The following ALMS1 variants were observed in gnomAD, a reference collection of about 807,000 sequenced individuals.
ALMS1 encodes centrosome-associated protein ALMS1.
A neutral mutation model predicts 352.2 loss-of-function variants in ALMS1; 271 were observed. That is an observed-to-expected ratio of 0.77 (90% CI 0.70 to 0.85). The LOEUF is 0.85. Ranked by LOEUF, ALMS1 falls within the 40% of genes least tolerant of loss-of-function variation. The probability of loss-of-function intolerance (pLI) is 0.00; values close to 1 mark genes in which losing one functional copy is unlikely to be tolerated. For missense variants in ALMS1, 5,445 were observed against 4,870.7 expected (o/e 1.12, Z -3.51); for synonymous variants, 1,865 against 1,761.2 (o/e 1.06, Z -1.48).
Position 73,451,880 on chromosome 2 carries a change from G to A in ALMS1, c.5353G>A (p.Val1785Ile), listed in dbSNP as rs1474708094. The A allele has an allele frequency of 6.2e-7, 1 of 1,613,690 alleles. No individual in the cohort carries two copies. The highest frequency in any genetic ancestry group is 8.5e-7 in the Non-Finnish European group (1 of 1,179,770). Reference protein sequence around the residue: ...DSHLTEEALKVSNVPGPADQK... With the variant: ...DSHLTEEALKISNVPGPADQK... The stretch of plus-strand genomic sequence containing the variant: ...TCATCTAACTGAAGAGGCTCTGAAA[G>A]TTTCAAATGTTCCTGGACCAGCTGA... The change falls in exon 8 of 23, where the codon GTT becomes ATT. Residue 1785 changes from valine (V) to isoleucine (I), a missense_variant. By Grantham distance (29) the Val-to-Ile change is conservative. Coordinates refer to ENST00000613296, the MANE Select transcript of ALMS1 (RefSeq NM_001378454.1).
chr2:73,522,210 T>C (rs989718968), intron 11 of ALMS1, among the ~76,000 whole-genome samples: 3 of 152,232 alleles, frequency 2.0e-5, no homozygotes, highest in African/African-American at 7.2e-5. Flanking sequence ...TCATTTCTGC[T>C]CTGGGTCCAT....
chr2:73,473,329 C>T (rs187695143), intron 9 of ALMS1, among the ~76,000 whole-genome samples: 125 of 152,012 alleles, frequency 8.2e-4, no homozygotes, highest in African/African-American at 3.0e-3. Context: ...TAGTAGTTGA[C>T]CCTGAAGCTA....
At chr2:73,415,519 TG>T (rs1038879771) in intron 2 of ALMS1, among the ~76,000 whole-genome samples, 2 of 148,818 alleles carry the variant, frequency 1.3e-5, no homozygotes, top group African/African-American at 5.0e-5. Flanking sequence ...GTAGATCTGG[TG>T]GTTGAAGACA....
At chr2:73,435,522 C>T (rs6740441) in intron 7 of ALMS1, among the ~76,000 whole-genome samples, 2,512 of 142,976 alleles carry the variant, frequency 0.018, 68 homozygotes, top group African/African-American at 0.058. Flanking sequence ...ACTTTACTCC[C>T]GTATAGCTCT....
intron 2 of ALMS1, 127 bp from the exon 3 acceptor site, chr2:73,418,996 A>G (rs539352827): frequency 4.6e-5 from 37 of 800,004 alleles, no homozygotes; most frequent in South Asian, 6.5e-5. Flanking sequence ...TACATTTTCT[A>G]TACTTTGATG....
chr2:73,496,728 C>T (rs1259265728), intron 10 of ALMS1, among the ~76,000 whole-genome samples: 2 of 152,168 alleles, frequency 1.3e-5, no homozygotes, highest in Non-Finnish European at 2.9e-5. Flanking sequence ...AGTTACTCCA[C>T]ATCCTCACCG....
chr2:73,599,932 TG>T (rs1406893903), intron 17 of ALMS1, among the ~76,000 whole-genome samples: 3 of 152,340 alleles, frequency 2.0e-5, no homozygotes, highest in African/African-American at 7.2e-5. Flanking sequence ...GAGATTAAAG[TG>T]AATTTAGGTG....
intron 12 of ALMS1, among the ~76,000 whole-genome samples, chr2:73,549,180 T>G (rs1674379273): frequency 6.6e-6 from 1 of 152,216 alleles, no homozygotes; most frequent in African/African-American, 2.4e-5. Flanking sequence ...CCAGAAATGT[T>G]CTTTTGCCTG....
At chr2:73,585,830 G>A (rs1675299823) in intron 16 of ALMS1, among the ~76,000 whole-genome samples, 1 of 150,672 alleles carries the variant, frequency 6.6e-6, no homozygotes, top group Non-Finnish European at 1.5e-5. Flanking sequence ...CCGGGTTCAA[G>A]CAGTTCTTCT....
In ALMS1 at chr2:73,609,670, A is replaced by G. The variant is rs1052928124; in HGVS notation, c.*58A>G. The G allele has an allele frequency of 1.0e-5, 16 of 1,529,936 alleles. No individual in the cohort carries two copies. Among genetic ancestry groups the G allele is most frequent in the African/African-American group, 2.7e-5 (2 of 73,184 alleles). 94.8% of individuals were successfully genotyped at this position (1,529,936 alleles called of 1,614,324 possible). ...CTATTTTATGAACCTAGAGAAGCAG[A>G]ATCCTTACTTTTGTGAGTCTGGTTG... On this transcript the variant is annotated 3_prime_UTR_variant, in exon 23 of 23. Coordinates refer to ENST00000613296, the MANE Select transcript of ALMS1 (RefSeq NM_001378454.1).
chr2:73,592,504 C>A (rs1354460970), intron 16 of ALMS1, among the ~76,000 whole-genome samples: 1 of 152,162 alleles, frequency 6.6e-6, no homozygotes, highest in Non-Finnish European at 1.5e-5. Context: ...CATTTTGACT[C>A]TGACTGTTTT....
chr2:73,509,618 C>T (rs571764086), intron 10 of ALMS1, among the ~76,000 whole-genome samples: 1 of 152,224 alleles, frequency 6.6e-6, no homozygotes, highest in East Asian at 1.9e-4. Context: ...GGGTTTCTGC[C>T]AAGAGATCTG....
intron 16 of ALMS1, among the ~76,000 whole-genome samples, chr2:73,596,726 TCC>T (rs1412633239): frequency 2.0e-5 from 3 of 152,062 alleles, no homozygotes; most frequent in African/African-American, 7.2e-5. Flanking sequence ...TGCCTTGGCC[TCC>T]CAAAGTGCTG....
At chr2:73,567,857 CAT>C (rs1674834777) in intron 15 of ALMS1, among the ~76,000 whole-genome samples, 1 of 151,978 alleles carries the variant, frequency 6.6e-6, no homozygotes, top group East Asian at 1.9e-4. Flanking sequence ...ATCTTGGAGT[CAT>C]AAAGCCAAAG....
chr2:73,590,694 T>TG (rs1327085574), intron 16 of ALMS1, among the ~76,000 whole-genome samples: 2,284 of 146,302 alleles, frequency 0.016, 59 homozygotes, highest in African/African-American at 0.053. Flanking sequence ...TTTTTTTTTT[T>TG]TTTTTGAGAT....
At chr2:73,586,830 G>T (rs1025382684) in intron 16 of ALMS1, among the ~76,000 whole-genome samples, 1 of 152,102 alleles carries the variant, frequency 6.6e-6, no homozygotes, top group Non-Finnish European at 1.5e-5. Context: ...TATGTAGATT[G>T]CTTTTGGCAA....
intron 9 of ALMS1, chr2:73,456,744 AAAT>A (rs1441309841): frequency 6.6e-6 from 1 of 152,180 alleles, no homozygotes; most frequent in Non-Finnish European, 1.5e-5. Flanking sequence ...AAAATTGACA[AAAT>A]AATAAGAATA....
At position 73,451,478 on chromosome 2, in the gene ALMS1, G is replaced by A; in HGVS notation, c.4951G>A (p.Ala1651Thr). 6.2e-7 allele frequency: 1 copy of A among 1,614,104 alleles called. No individual in the cohort carries two copies. Among genetic ancestry groups the A allele is most frequent in the Middle Eastern group, 1.6e-4 (1 of 6,062 alleles). The part of the protein sequence containing the change: ...VVKVSAAPGP[A>T]DQKTETLPVH... The stretch of plus-strand genomic sequence containing the variant: ...GAAAGTTTCAGCTGCTCCTGGACCA[G>A]CTGACCAGAAGACTGAGACATTACC... The change falls in exon 8 of 23, where the codon GCT becomes ACT. Residue 1651 changes from alanine (A) to threonine (T), a missense_variant. Ala to Thr is a moderately conservative substitution (Grantham distance 58). Coordinates refer to ENST00000613296, the MANE Select transcript of ALMS1 (RefSeq NM_001378454.1).
intron 9 of ALMS1, among the ~76,000 whole-genome samples, chr2:73,488,071 C>G (rs1409773307): frequency 6.6e-6 from 1 of 152,236 alleles, no homozygotes; most frequent in Non-Finnish European, 1.5e-5. Context: ...AAACTGGCAG[C>G]CCTTCAACCC....
Sources: allele counts gnomAD v4.1 joint callset (sites outside exome capture counted in the v4.1 genomes callset), GRCh38; gene constraint gnomAD v4.1.1; transcripts MANE v1.5; gene names NCBI Gene and HGNC (gene_info 2026-07-23, HGNC 2026-07-21).